Variants in RBFOX1 observed in about 807,000 individuals in gnomAD.
RBFOX1 encodes the protein RNA binding protein fox-1 homolog 1.
A neutral mutation model predicts 57.7 loss-of-function variants in RBFOX1; 8 were observed. That is an observed-to-expected ratio of 0.14 (90% confidence interval 0.08 to 0.25). RBFOX1 has a LOEUF of 0.25. Ranked by LOEUF, RBFOX1 falls within the 10% of genes least tolerant of loss-of-function variation. The pLI is 1.00. For missense variants in RBFOX1, 611 were observed against 548.5 expected (o/e 1.11, Z -1.14); for synonymous variants, 326 against 222.4 (o/e 1.47, Z -4.15).
chr16:7,607,442 C>G (rs1437357347), intron 10 of RBFOX1, 104 bp downstream of exon 10: 2 of 1,031,522 alleles, frequency 1.9e-6, no homozygotes, highest in Non-Finnish European at 3.0e-6. Context: ...CAAGTGAATT[C>G]CTATCCTAAC....
At chr16:5,833,608 A>G (rs868173485) in intron 3 of RBFOX1, among the ~76,000 whole-genome samples, 1 of 152,154 alleles carries the variant, frequency 6.6e-6, no homozygotes, top group Non-Finnish European at 1.5e-5. Context: ...AGTGTGGCCA[A>G]TTAAGACACT....
At chr16:6,571,769 C>T (rs1025206936) in intron 2 of RBFOX1, among the ~76,000 whole-genome samples, 4 of 152,126 alleles carry the variant, frequency 2.6e-5, no homozygotes, top group Non-Finnish European at 5.9e-5. Flanking sequence ...GGGCCTGCTG[C>T]AGCCACTCAG....
intron 3 of RBFOX1, among the ~76,000 whole-genome samples, chr16:6,856,908 A>G (rs1347242141): frequency 6.6e-6 from 1 of 152,110 alleles, no homozygotes; most frequent in Non-Finnish European, 1.5e-5. Flanking sequence ...GAAAGGGAAA[A>G]GAAAGAAAGA....
chr16:5,525,870 T>C (rs2151022428), intron 2 of RBFOX1, among the ~76,000 whole-genome samples: 1 of 152,224 alleles, frequency 6.6e-6, no homozygotes, highest in Non-Finnish European at 1.5e-5. Flanking sequence ...AAGTGGCAAA[T>C]TTTTAATATT....
intron 4 of RBFOX1, among the ~76,000 whole-genome samples, chr16:7,467,684 A>C (rs940772313): frequency 1.3e-5 from 2 of 152,230 alleles, no homozygotes; most frequent in Non-Finnish European, 2.9e-5. Context: ...GTATACCTAC[A>C]GAAAAGTGGG....
chr16:7,314,434 G>C (rs1164605345), intron 4 of RBFOX1, among the ~76,000 whole-genome samples: 1 of 152,154 alleles, frequency 6.6e-6, no homozygotes, highest in Non-Finnish European at 1.5e-5. Context: ...CAACCTTCCT[G>C]AGCTCTGAGA....
chr16:7,386,990 A>G (rs762501617), intron 4 of RBFOX1, among the ~76,000 whole-genome samples: 11 of 152,192 alleles, frequency 7.2e-5, no homozygotes, highest in African/African-American at 2.7e-4. Flanking sequence ...GATAAAGAGC[A>G]TTTATTCATA....
chr16:7,281,085 C>G (rs540207532), intron 4 of RBFOX1, among the ~76,000 whole-genome samples: 1 of 151,386 alleles, frequency 6.6e-6, no homozygotes, highest in Non-Finnish European at 1.5e-5. Flanking sequence ...TCACTGCAAC[C>G]TCTGCCTCCT....
intron 2 of RBFOX1, among the ~76,000 whole-genome samples, chr16:6,586,397 G>T (rs1326593323): frequency 6.6e-6 from 1 of 152,130 alleles, no homozygotes; most frequent in East Asian, 1.9e-4. Context: ...TCTCCAGTGC[G>T]TCTTAATTTT....
intron 4 of RBFOX1, among the ~76,000 whole-genome samples, chr16:7,307,931 A>T (rs1198017942): frequency 6.6e-6 from 1 of 152,204 alleles, no homozygotes; most frequent in Non-Finnish European, 1.5e-5. Flanking sequence ...ATCTTCTTGA[A>T]GCTGAACTTA....
At chr16:5,613,838 A>G (rs932978406) in intron 3 of RBFOX1, among the ~76,000 whole-genome samples, 1 of 151,590 alleles carries the variant, frequency 6.6e-6, no homozygotes, top group Non-Finnish European at 1.5e-5. Flanking sequence ...GCATCCGAAG[A>G]CTGGATTCTA....
At chr16:6,735,190 C>T (rs13333148) in intron 3 of RBFOX1, among the ~76,000 whole-genome samples, 66,520 of 151,938 alleles carry the variant, frequency 0.44, 16,796 homozygotes, top group Non-Finnish European at 0.56. Flanking sequence ...ACATCAACAA[C>T]GAAAACCAAA....
chr16:7,695,134 C>T (rs999781110), intron 14 of RBFOX1, among the ~76,000 whole-genome samples: 5 of 152,102 alleles, frequency 3.3e-5, no homozygotes, highest in Non-Finnish European at 7.3e-5. Context: ...CTATTGATCA[C>T]ATTTCAGATT....
intron 2 of RBFOX1, among the ~76,000 whole-genome samples, chr16:6,636,982 A>T (rs2098442022): frequency 7.9e-6 from 1 of 126,106 alleles, no homozygotes; most frequent in South Asian, 2.2e-4. Context: ...ATTTATGTAT[A>T]TGTATCATTA....
chr16:6,271,462 T>G (rs771194827), intron 1 of RBFOX1, among the ~76,000 whole-genome samples: 2 of 151,878 alleles, frequency 1.3e-5, no homozygotes, highest in African/African-American at 4.8e-5. Flanking sequence ...GTTATAAAGA[T>G]GAGAGCAGAA....
At chr16:6,566,938 T>G (rs780173313) in intron 2 of RBFOX1, among the ~76,000 whole-genome samples, 1 of 152,182 alleles carries the variant, frequency 6.6e-6, no homozygotes, top group Non-Finnish European at 1.5e-5. Flanking sequence ...AATTGACATG[T>G]TGGAGATGAA....
intron 3 of RBFOX1, among the ~76,000 whole-genome samples, chr16:6,910,786 T>A (rs966458158): frequency 5.3e-5 from 8 of 152,210 alleles, no homozygotes; most frequent in African/African-American, 1.9e-4. Context: ...ATCCTACGTC[T>A]GAGAATGAGA....
At chr16:7,196,534 T>G (rs903182168) in intron 4 of RBFOX1, among the ~76,000 whole-genome samples, 6 of 152,214 alleles carry the variant, frequency 3.9e-5, no homozygotes, top group Non-Finnish European at 8.8e-5. Context: ...CAACCGGCTC[T>G]TTAAATGCAC....
At chr16:5,462,152 G>C (rs1321579364) in intron 1 of RBFOX1, among the ~76,000 whole-genome samples, 2 of 141,418 alleles carry the variant, frequency 1.4e-5, no homozygotes, top group African/African-American at 5.3e-5. Context: ...AACCCAGCGA[G>C]TTTCTTTCTT....
Sources: allele counts gnomAD v4.1 joint callset (sites outside exome capture counted in the v4.1 genomes callset), GRCh38; gene constraint gnomAD v4.1.1; transcripts MANE v1.5; gene names NCBI Gene and HGNC (gene_info 2026-07-23, HGNC 2026-07-21).